The following FSHR variants were observed in gnomAD, a reference collection of about 807,000 sequenced individuals.
FSHR encodes follicle stimulating hormone receptor.
In FSHR, 46 loss-of-function variants were observed where a neutral mutation model predicts 52.1. That is an observed-to-expected ratio of 0.88 (90% CI 0.70 to 1.13). The LOEUF is 1.13. FSHR is among the 50% of genes most tolerant of loss of function. The pLI, the probability that FSHR is intolerant of heterozygous loss-of-function variation, is 0.00. For missense variants in FSHR, 964 were observed against 834.6 expected (o/e 1.16, Z -1.91); for synonymous variants, 399 against 309.6 (o/e 1.29, Z -3.03).
At chr2:49,132,799 A>C (rs1672331078) in intron 1 of FSHR, among the ~76,000 whole-genome samples, 1 of 152,050 alleles carries the variant, frequency 6.6e-6, no homozygotes, top group African/African-American at 2.4e-5. Flanking sequence ...ATAGTTGTGG[A>C]ATTGACTTCC....
At chr2:49,044,108 A>G (rs985358913) in intron 2 of FSHR, among the ~76,000 whole-genome samples, 4 of 152,288 alleles carry the variant, frequency 2.6e-5, no homozygotes, top group South Asian at 2.1e-4. Context: ...ACCAAATCCT[A>G]TCTGTTCTTT....
chr2:49,080,591 A>G (rs61343563), intron 1 of FSHR, among the ~76,000 whole-genome samples: 36,121 of 152,180 alleles, frequency 0.24, 4,428 homozygotes, highest in East Asian at 0.29. Flanking sequence ...CAAAAAGTTG[A>G]TAAGATGTAT....
At chr2:49,082,492 C>G (rs918914024) in intron 1 of FSHR, among the ~76,000 whole-genome samples, 2 of 152,078 alleles carry the variant, frequency 1.3e-5, no homozygotes, top group Admixed American at 1.3e-4. Flanking sequence ...CAAAGCTGGA[C>G]GGAGAATGAA....
intron 4 of FSHR, 120 bp from the exon 5 acceptor site, chr2:48,990,757 A>G (rs1675734336): frequency 1.4e-6 from 1 of 740,304 alleles, no homozygotes. Context: ...TCTACGAGAA[A>G]AGCCCGTATA....
intron 2 of FSHR, among the ~76,000 whole-genome samples, chr2:49,055,553 A>AC (rs1254770240): frequency 2.1e-5 from 3 of 145,190 alleles, no homozygotes; most frequent in Admixed American, 6.8e-5. Context: ...AAAAAAAAAA[A>AC]AAAAAAAAAA....
chr2:48,978,002 T>C (rs1169482639), intron 8 of FSHR, among the ~76,000 whole-genome samples: 1 of 152,170 alleles, frequency 6.6e-6, no homozygotes, highest in Non-Finnish European at 1.5e-5. Flanking sequence ...AGATAGTGAG[T>C]AGTTTTGAGA....
chr2:49,080,613 C>G (rs1670132786), intron 1 of FSHR, among the ~76,000 whole-genome samples: 1 of 152,100 alleles, frequency 6.6e-6, no homozygotes, highest in Admixed American at 6.5e-5. Context: ...TAAACATGAA[C>G]AGAATGATAT....
intron 1 of FSHR, among the ~76,000 whole-genome samples, chr2:49,152,471 G>A (rs1487751655): frequency 1.3e-5 from 2 of 151,858 alleles, no homozygotes; most frequent in Non-Finnish European, 2.9e-5. Context: ...AGGGTGTGGG[G>A]GTGGATTTTC....
At position 49,078,153 on chromosome 2, in the gene FSHR, T is replaced by G. The variant is rs544564775; in HGVS notation, c.153-9863A>C. ...TGGGCAATTTACAAAAGAAAGAGAT[T>G]TAATGGACTTACAGTTCCATGTGGC... On this transcript the variant is annotated intron_variant, in intron 1 of 9. Transcript: ENST00000406846. Among the ~76,000 whole-genome samples the G allele has an allele frequency of 5.9e-4, 90 of 152,316 alleles. 1 individual carries two copies. In the South Asian group the frequency reaches 0.018, roughly 30 times the overall value.
chr2:49,107,243 C>T (rs1671257479), intron 1 of FSHR, among the ~76,000 whole-genome samples: 1 of 152,072 alleles, frequency 6.6e-6, no homozygotes, highest in Admixed American at 6.6e-5. Context: ...GCTGTTCCCT[C>T]TCCTTGAAAT....
chr2:48,993,620 T>C (rs1675884082), intron 4 of FSHR, among the ~76,000 whole-genome samples: 1 of 152,176 alleles, frequency 6.6e-6, no homozygotes, highest in Admixed American at 6.6e-5. Flanking sequence ...ATTGTTTTAC[T>C]CCTTTGCTGC....
At chr2:49,045,101 C>A (rs1280830473) in intron 2 of FSHR, among the ~76,000 whole-genome samples, 1 of 151,838 alleles carries the variant, frequency 6.6e-6, no homozygotes, top group Non-Finnish European at 1.5e-5. Context: ...TTTTTTTTCC[C>A]CATAATCTAT....
chr2:49,072,906 A>G (rs1354089967), intron 1 of FSHR, among the ~76,000 whole-genome samples: 15 of 152,140 alleles, frequency 9.9e-5, no homozygotes, highest in Admixed American at 9.8e-4. Flanking sequence ...CTTATTATAG[A>G]AGGCTTATTT....
chr2:49,064,712 G>A (rs754269835), intron 2 of FSHR, among the ~76,000 whole-genome samples: 12 of 152,144 alleles, frequency 7.9e-5, no homozygotes, highest in African/African-American at 2.9e-4. Context: ...ACTTGGTGTT[G>A]TACTTCAGTA....
chr2:49,013,513 T>TAAATATATATATATAA (rs36099655), intron 4 of FSHR, among the ~76,000 whole-genome samples: 6 of 136,572 alleles, frequency 4.4e-5, no homozygotes, highest in African/African-American at 1.1e-4. Context: ...TATATATATA[T>TAAATATATATATATAA]ATAAATATAT....
chr2:49,062,403 A>C (rs1322859367), intron 2 of FSHR, among the ~76,000 whole-genome samples: 1 of 152,184 alleles, frequency 6.6e-6, no homozygotes, highest in Non-Finnish European at 1.5e-5. Flanking sequence ...CACCATATAC[A>C]AAAGTCAACT....
chr2:49,136,096 TA>T (rs1176323690), intron 1 of FSHR, among the ~76,000 whole-genome samples: 1 of 151,658 alleles, frequency 6.6e-6, no homozygotes, highest in East Asian at 1.9e-4. Context: ...TTGAAAAGAT[TA>T]AAAAAAGAAG....
At chr2:49,081,379 A>C (rs1021077413) in intron 1 of FSHR, among the ~76,000 whole-genome samples, 2 of 152,152 alleles carry the variant, frequency 1.3e-5, no homozygotes, top group African/African-American at 4.8e-5. Context: ...AATTATGACC[A>C]AGTGTTAAGA....
In FSHR at chr2:49,008,917, C is replaced by T. The variant is rs560526199; in HGVS notation, c.374+8572G>A. Among the ~76,000 whole-genome samples, 742 of 152,028 alleles carry T rather than the reference C, an allele frequency of 4.9e-3. 7 individuals carry two copies. Among genetic ancestry groups the T allele is most frequent in the African/African-American group, 0.017 (711 of 41,422 alleles). On this transcript the variant is annotated intron_variant, in intron 4 of 9. Coordinates refer to ENST00000406846, the MANE Select transcript of FSHR (RefSeq NM_000145.4). The stretch of plus-strand genomic sequence containing the variant: ...AATTTGTTTGAGTTCATTGTAGATT[C>T]TGGATACTAGCCCTTTGTCAGATAA...
Sources: allele counts gnomAD v4.1 joint callset (sites outside exome capture counted in the v4.1 genomes callset), GRCh38; gene constraint gnomAD v4.1.1; transcripts MANE v1.5; gene names NCBI Gene and HGNC (gene_info 2026-07-23, HGNC 2026-07-21).